Variants in MYO10 observed in about 807,000 individuals in gnomAD.
The protein encoded by MYO10 is myosin X.
In MYO10, 133 loss-of-function variants were observed where a neutral mutation model predicts 257.3. The ratio of observed to expected loss-of-function variants is 0.52; its 90% CI spans 0.45 to 0.60. The LOEUF (loss-of-function observed/expected upper bound fraction) is 0.60, where lower values mean the gene tolerates loss of function less well. MYO10 is among the 20% of genes least tolerant of loss of function. MYO10 has a pLI of 0.00. For synonymous variants in MYO10, 1,104 were observed against 1,028.6 expected, an observed-to-expected ratio of 1.07 and a Z score of -1.40; for missense variants, 2,399 against 2,635.7, an observed-to-expected ratio of 0.91 and a Z score of 1.97.
intron 3 of MYO10, among the ~76,000 whole-genome samples, chr5:16,812,926 ATT>A (rs756853883): frequency 9.1e-4 from 117 of 127,908 alleles, no homozygotes; most frequent in African/African-American, 3.3e-3. Context: ...GGGTGCTTTT[ATT>A]TTTTTTTTTT....
intron 2 of MYO10, among the ~76,000 whole-genome samples, chr5:16,867,817 GA>G (rs1744324912): frequency 6.6e-6 from 1 of 152,170 alleles, no homozygotes; most frequent in Non-Finnish European, 1.5e-5. Flanking sequence ...TTAATAAAAT[GA>G]GAAGAATTTT....
chr5:16,889,341 G>A (rs1276781960), intron 1 of MYO10, among the ~76,000 whole-genome samples: 1 of 152,042 alleles, frequency 6.6e-6, no homozygotes, highest in Non-Finnish European at 1.5e-5. Context: ...AGGAGGCGGA[G>A]GTTGCGGTGA....
chr5:16,792,132 C>CACACACACAG (rs755315207), intron 4 of MYO10, among the ~76,000 whole-genome samples: 1 of 75,290 alleles, frequency 1.3e-5, no homozygotes, highest in African/African-American at 3.5e-5. Flanking sequence ...CACACACACA[C>CACACACACAG]AGAGAGAGAG....
rs371459001 is a variant in MYO10, at chr5:16,780,612, G to T, written c.742-4C>A. On this transcript the variant is annotated splice_region_variant and splice_polypyrimidine_tract_variant and intron_variant, in intron 7 of 40. Transcript: ENST00000513610. ...GATTTTGCCTTACTACTCGGTTCTG[G>T]GAAGATAAATCAGATTTATATTCAG... is the stretch of plus-strand genomic sequence containing the variant. The T allele has an allele frequency of 7.0e-6, 11 of 1,569,996 alleles. No individual in the cohort carries two copies. Among genetic ancestry groups the T allele is most frequent in the Non-Finnish European group, 9.5e-6 (11 of 1,154,710 alleles).
intron 32 of MYO10, 131 bp from the exon 33 acceptor site, chr5:16,680,235 G>T: frequency 8.7e-7 from 1 of 1,149,266 alleles, no homozygotes; most frequent in Non-Finnish European, 1.2e-6. Context: ...ATTCCTACAT[G>T]TGTCCTGTCC....
intron 26 of MYO10, among the ~76,000 whole-genome samples, chr5:16,698,623 G>GTTTTTTGTT (rs534800370): frequency 1.8e-5 from 2 of 113,862 alleles, no homozygotes; most frequent in African/African-American, 7.7e-5. Context: ...AGAACATGCA[G>GTTTTTTGTT]TTTTTTTTTT....
At chr5:16,869,673 T>TGA (rs1744395049) in intron 2 of MYO10, among the ~76,000 whole-genome samples, 1 of 148,990 alleles carries the variant, frequency 6.7e-6, no homozygotes, top group African/African-American at 2.6e-5. Context: ...AAGGCCAGCC[T>TGA]AGCCAACATG....
chr5:16,819,275 A>T (rs1413659736), intron 2 of MYO10, among the ~76,000 whole-genome samples: 1 of 152,220 alleles, frequency 6.6e-6, no homozygotes, highest in Non-Finnish European at 1.5e-5. Flanking sequence ...GACATGTTAT[A>T]GCATGTACAT....
At chr5:16,745,796 G>T (rs536685572) in intron 19 of MYO10, among the ~76,000 whole-genome samples, 1 of 152,288 alleles carries the variant, frequency 6.6e-6, no homozygotes, top group African/African-American at 2.4e-5. Flanking sequence ...GAAAAGGGAG[G>T]ATGATCCCTT....
intron 2 of MYO10, among the ~76,000 whole-genome samples, chr5:16,858,200 G>T (rs34025335): frequency 0.14 from 21,314 of 152,156 alleles, 1,736 homozygotes; most frequent in East Asian, 0.26. Flanking sequence ...AATTTCACAT[G>T]ATTTTCACGT....
intron 1 of MYO10, chr5:16,916,230 A>T: frequency 2.3e-6 from 1 of 441,946 alleles, no homozygotes; most frequent in Non-Finnish European, 4.6e-6. Context: ...TAGTAAATTC[A>T]TTTCACCGTC....
rs547245109 is a variant in MYO10, at chr5:16,861,449, G to A, written c.120+16160C>T. ...AGCAAGGCATGGTGGGCAGGCACCTGTAATCCCAGCTACCTGGGAGGCTGA... is the reference window on the plus strand; with the variant it reads ...AGCAAGGCATGGTGGGCAGGCACCTATAATCCCAGCTACCTGGGAGGCTGA... On this transcript the variant is annotated intron_variant, in intron 2 of 40. Transcript: ENST00000513610. Among the ~76,000 whole-genome samples the A allele has an allele frequency of 1.3e-3, 196 of 152,196 alleles. 2 individuals carry two copies. Among genetic ancestry groups the A allele is most frequent in the African/African-American group, 4.7e-3 (196 of 41,520 alleles).
rs59761183 is a variant in MYO10, at chr5:16,893,196, C to CAAAAAAAA, written c.22-15497_22-15490dup. Reference sequence around the variant, plus strand: ...TGGGTGACACAGTGAGACTCTGTCTCAAAAAAAAAAAAAAAAAAAGAACTT... The same window carrying CAAAAAAAA: ...TGGGTGACACAGTGAGACTCTGTCTCAAAAAAAAAAAAAAAAAAAAAAAAAAAGAACTT... On this transcript the variant is annotated intron_variant, in intron 1 of 40. Coordinates refer to ENST00000513610, the MANE Select transcript of MYO10 (RefSeq NM_012334.3). Among the ~76,000 whole-genome samples, 235 of 69,538 alleles carry CAAAAAAAA rather than the reference C, an allele frequency of 3.4e-3. 12 individuals carry two copies. The highest frequency in any genetic ancestry group is 0.011 in the African/African-American group (210 of 19,416). 45.6% of individuals were successfully genotyped at this position (69,538 alleles called of 152,430 possible). A position where few individuals can be genotyped will look rare whatever the true frequency, so the allele number is the denominator to read the frequency against.
At chr5:16,688,670 G>A (rs1737356124) in intron 28 of MYO10, among the ~76,000 whole-genome samples, 1 of 151,866 alleles carries the variant, frequency 6.6e-6, no homozygotes, top group Admixed American at 6.6e-5. Context: ...AACCTGGAAG[G>A]TGGAGGCTGC....
chr5:16,689,277 T>C (rs1737313541), intron 28 of MYO10, among the ~76,000 whole-genome samples: 1 of 152,248 alleles, frequency 6.6e-6, no homozygotes, highest in Non-Finnish European at 1.5e-5. Context: ...ACATTTAGAA[T>C]ATTAGCCTGA....
Position 16,697,456 on chromosome 5 carries a change from C to T in MYO10, c.3556+1994G>A, listed in dbSNP as rs567448575. 3.6e-3 allele frequency among the ~76,000 whole-genome samples: 542 copies of T among 152,272 alleles called. 4 individuals are homozygous for T. Among genetic ancestry groups the T allele is most frequent in the African/African-American group, 0.012 (508 of 41,550 alleles). ...GTGGCTCACTCCTGTAATCCCAGCA[C>T]TTTGGGAGGCCAAGGAGGGCAGATC... On this transcript the variant is annotated intron_variant, in intron 26 of 40. Coordinates refer to ENST00000513610, the MANE Select transcript of MYO10 (RefSeq NM_012334.3).
At chr5:16,743,010 CT>C (rs1004549078) in intron 19 of MYO10, among the ~76,000 whole-genome samples, 1 of 152,104 alleles carries the variant, frequency 6.6e-6, no homozygotes, top group African/African-American at 2.4e-5. Flanking sequence ...ATTCCAGCTA[CT>C]TGAGATGCTG....
intron 2 of MYO10, among the ~76,000 whole-genome samples, chr5:16,849,148 TG>T (rs1333108704): frequency 6.6e-6 from 1 of 152,178 alleles, no homozygotes; most frequent in Non-Finnish European, 1.5e-5. Context: ...AAAGTACTTT[TG>T]CCCTTCCTAT....
At chr5:16,720,919 TAAG>T (rs758023740) in intron 19 of MYO10, among the ~76,000 whole-genome samples, 21 of 152,332 alleles carry the variant, frequency 1.4e-4, no homozygotes, top group South Asian at 1.0e-3. Flanking sequence ...AATTATGTAA[TAAG>T]AAAAGCCATT....
Sources: gnomAD v4.1 joint callset for allele counts (sites outside exome capture counted in the v4.1 genomes callset) on GRCh38, gnomAD v4.1.1 for gene constraint, MANE v1.5 for transcripts, NCBI Gene and HGNC (gene_info 2026-07-23, HGNC 2026-07-21) for gene names.